TPRG1: variants seen among roughly 807,000 people sequenced by gnomAD.
TPRG1 encodes the protein tumor protein p63 regulated 1, also known as tumor protein p63-regulated gene 1 protein.
Under a neutral mutation model 29.3 loss-of-function variants are expected in TPRG1, and 29 were observed. The ratio of observed to expected loss-of-function variants is 0.99; its 90% CI spans 0.74 to 1.35. The LOEUF (loss-of-function observed/expected upper bound fraction) is 1.35, where lower values mean the gene tolerates loss of function less well. Among genes scored for constraint, TPRG1 ranks in the 40% most tolerant of loss-of-function variants. The pLI is 0.00. For synonymous variants in TPRG1, 130 were observed against 116.8 expected (o/e 1.11, Z -0.73); for missense variants, 327 against 335.0 (o/e 0.98, Z 0.19).
At chr3:189,268,724 G>C (rs547488666) in intron 4 of TPRG1, among the ~76,000 whole-genome samples, 1 of 152,168 alleles carries the variant, frequency 6.6e-6, no homozygotes, top group African/African-American at 2.4e-5. Flanking sequence ...CTTTAGCGTC[G>C]TAATAGCAAG....
intron 1 of TPRG1, among the ~76,000 whole-genome samples, chr3:189,189,779 G>C (rs1731436496): frequency 1.3e-5 from 2 of 152,202 alleles, no homozygotes; most frequent in Admixed American, 1.3e-4. Flanking sequence ...TCCAAATGGA[G>C]AGTTAGTTTT....
intron 3 of TPRG1, among the ~76,000 whole-genome samples, chr3:189,226,501 T>A (rs952806482): frequency 6.6e-6 from 1 of 152,042 alleles, no homozygotes; most frequent in Non-Finnish European, 1.5e-5. Context: ...TATCAAAATG[T>A]GTGGGACGCA....
chr3:189,127,508 C>G (rs1477519885), intron 2 of TPRG1, among the ~76,000 whole-genome samples: 2 of 152,190 alleles, frequency 1.3e-5, no homozygotes, highest in East Asian at 3.8e-4. Context: ...TCTCAACTTT[C>G]AATTTTGAAA....
chr3:189,134,699 G>T (rs572888628), intron 3 of TPRG1, among the ~76,000 whole-genome samples: 1 of 152,212 alleles, frequency 6.6e-6, no homozygotes, highest in East Asian at 1.9e-4. Flanking sequence ...TTATAGGCAT[G>T]AGCCACTGCA....
chr3:189,104,296 A>G (rs940471630), intron 1 of TPRG1, among the ~76,000 whole-genome samples: 2 of 152,134 alleles, frequency 1.3e-5, no homozygotes, highest in African/African-American at 4.8e-5. Context: ...AGCACTAACC[A>G]CAGTGCTTGA....
chr3:189,303,585 C>T (rs1015663711), intron 4 of TPRG1, among the ~76,000 whole-genome samples: 1 of 152,082 alleles, frequency 6.6e-6, no homozygotes, highest in African/African-American at 2.4e-5. Context: ...TAACATGTAA[C>T]ACTCTAAAAA....
At chr3:189,125,017 G>T (rs1722285972) in intron 1 of TPRG1, among the ~76,000 whole-genome samples, 1 of 152,128 alleles carries the variant, frequency 6.6e-6, no homozygotes, top group South Asian at 2.1e-4. Flanking sequence ...AATTTAGTAG[G>T]TAATCTTTTA....
chr3:188,998,793 AAT>A (rs1578175319), intron 1 of TPRG1, among the ~76,000 whole-genome samples: 1 of 152,288 alleles, frequency 6.6e-6, no homozygotes, highest in East Asian at 1.9e-4. Context: ...TAGAGAGTGG[AAT>A]GATGCTTACC....
At chr3:189,156,150 G>A (rs12494229) in intron 5 of TPRG1, among the ~76,000 whole-genome samples, 42,501 of 151,936 alleles carry the variant, frequency 0.28, 7,575 homozygotes, top group African/African-American at 0.51. Context: ...GGAAAAGGAA[G>A]AAGAGAGAAG....
intron 4 of TPRG1, among the ~76,000 whole-genome samples, chr3:189,296,637 T>C (rs1235698524): frequency 1.3e-5 from 2 of 152,134 alleles, no homozygotes; most frequent in African/African-American, 2.4e-5. Context: ...AATAAGGACA[T>C]TGGAAAACTA....
chr3:189,020,667 G>A (rs2152124478), intron 3 of TPRG1, among the ~76,000 whole-genome samples: 1 of 140,126 alleles, frequency 7.1e-6, no homozygotes, highest in Middle Eastern at 3.7e-3. Context: ...GGTCAATTTT[G>A]GAATAGGTGT....
chr3:189,207,016 G>A (rs937117343), intron 1 of TPRG1: 1 of 198,000 alleles, frequency 5.1e-6, no homozygotes, highest in Admixed American at 6.5e-5. Context: ...TCTTAAATAA[G>A]CTTGCAGTCT....
At chr3:189,078,053 T>A (rs1717304932) in intron 4 of TPRG1, among the ~76,000 whole-genome samples, 1 of 148,336 alleles carries the variant, frequency 6.7e-6, no homozygotes, top group Non-Finnish European at 1.5e-5. Flanking sequence ...CCTTCCTTCC[T>A]TCCTTCCTTT....
chr3:189,318,913 T>G lies in TPRG1; in HGVS notation c.634-1713T>G, dbSNP rs7643990. 1.9e-3 allele frequency among the ~76,000 whole-genome samples: 296 copies of G among 152,206 alleles called. 2 individuals carry two copies. The highest frequency in any genetic ancestry group is 3.4e-3 in the Middle Eastern group (1 of 294). ...CTAAATTTTCTAAAAATTAGAATTT[T>G]ATAATTCCTGCTCATAACAGCAATG... On this transcript the variant is annotated intron_variant, in intron 5 of 5. Coordinates refer to ENST00000345063, the MANE Select transcript of TPRG1 (RefSeq NM_198485.4).
At chr3:189,028,085 T>C (rs984601639) in intron 4 of TPRG1, among the ~76,000 whole-genome samples, 1 of 152,220 alleles carries the variant, frequency 6.6e-6, no homozygotes, top group South Asian at 2.1e-4. Context: ...CTGTGTGCCA[T>C]GTGCTGGGAT....
chr3:189,132,009 T>A (rs906573387), intron 2 of TPRG1, among the ~76,000 whole-genome samples: 1 of 152,214 alleles, frequency 6.6e-6, no homozygotes, highest in African/African-American at 2.4e-5. Context: ...AGTTTCTCCA[T>A]GTGAAAAATG....
intron 4 of TPRG1, among the ~76,000 whole-genome samples, chr3:189,277,229 TG>T (rs902359428): frequency 1.0e-3 from 157 of 152,304 alleles, no homozygotes; most frequent in Middle Eastern, 3.4e-3. Context: ...GAGTGTGTGA[TG>T]GGGGTAAGTC....
At chr3:189,319,069 C>T (rs1723983028) in intron 5 of TPRG1, among the ~76,000 whole-genome samples, 1 of 152,224 alleles carries the variant, frequency 6.6e-6, no homozygotes, top group African/African-American at 2.4e-5. Flanking sequence ...ACCAGATCCC[C>T]TCTACATTGC....
rs577932804 is a variant in TPRG1 at position 189,259,615 on chromosome 3, T to A, written c.479+20706T>A. Among the ~76,000 whole-genome samples, 3 of 151,728 alleles carry A rather than the reference T, an allele frequency of 2.0e-5. No homozygotes were observed. In the East Asian group the frequency reaches 5.9e-4, roughly 30 times the overall value. ...TCCCAAGTAGCTGGGATTACAGGTG[T>A]CTGCCACCACACCCTGATAATTTTT... On this transcript the variant is annotated intron_variant, in intron 4 of 5. Transcript: ENST00000345063.
Sources: gnomAD v4.1 joint callset for allele counts (sites outside exome capture counted in the v4.1 genomes callset) on GRCh38, gnomAD v4.1.1 for gene constraint, MANE v1.5 for transcripts, NCBI Gene and HGNC (gene_info 2026-07-23, HGNC 2026-07-21) for gene names.